Variants in CDK5RAP2 observed in about 807,000 individuals in gnomAD.
CDK5RAP2 encodes CDK5 regulatory subunit-associated protein 2.
In CDK5RAP2, 147 loss-of-function variants were observed where a neutral mutation model predicts 232.9. The observed-to-expected ratio is 0.63, with a 90% CI of 0.55 to 0.72. The LOEUF (loss-of-function observed/expected upper bound fraction) is 0.72, where lower values mean the gene tolerates loss of function less well. Ranked by LOEUF, CDK5RAP2 falls within the 30% of genes least tolerant of loss-of-function variation. The pLI is 0.00. For synonymous variants in CDK5RAP2, 833 were observed against 833.7 expected, an observed-to-expected ratio of 1.00 and a Z score of 0.01; for missense variants, 2,195 against 2,231.5, an observed-to-expected ratio of 0.98 and a Z score of 0.33.
intron 7 of CDK5RAP2, among the ~76,000 whole-genome samples, chr9:120,534,686 C>T (rs10984944): frequency 6.6e-6 from 1 of 152,084 alleles, no homozygotes; most frequent in Non-Finnish European, 1.5e-5. Flanking sequence ...CATTCTGTCC[C>T]AGGACCTCTT....
intron 12 of CDK5RAP2, among the ~76,000 whole-genome samples, chr9:120,518,208 TGTGAGAGAGAGAGAGA>T (rs2040440420): frequency 2.7e-5 from 3 of 111,396 alleles, no homozygotes; most frequent in African/African-American, 1.3e-4. Context: ...TGTGTGTGTG[TGTGAGAGAGAGAGAGA>T]GAGAGAGAGA....
chr9:120,549,218 G>A (rs2041963976), intron 4 of CDK5RAP2, among the ~76,000 whole-genome samples: 1 of 151,240 alleles, frequency 6.6e-6, no homozygotes, highest in Non-Finnish European at 1.5e-5. Context: ...GTGCAGAACA[G>A]AACATGCTTG....
At chr9:120,533,358 T>C (rs2041239534) in intron 7 of CDK5RAP2, among the ~76,000 whole-genome samples, 1 of 152,134 alleles carries the variant, frequency 6.6e-6, no homozygotes, top group Non-Finnish European at 1.5e-5. Flanking sequence ...TAGACTCTAC[T>C]CACTGAAGCT....
rs148134702 is a variant in CDK5RAP2 at position 120,453,851 on chromosome 9, G to A, written c.2398C>T (p.Arg800Trp). ...AATAGTTGTCCCAGAAGCAGTTCCC[G>A]TACCACTTTCAGAAGGTCTGGCCTG... Reference protein sequence around the residue: ...ESRPDLLKVVRELLLGQLFLT... With the variant: ...ESRPDLLKVVWELLLGQLFLT... The change falls in exon 21 of 38, where the codon CGG becomes TGG. Residue 800 changes from arginine (R) to tryptophan (W), a missense_variant. Transcript: ENST00000349780. The A allele has an allele frequency of 1.2e-4, 196 of 1,614,134 alleles. No homozygotes were observed. Among genetic ancestry groups the A allele is most frequent in the Non-Finnish European group, 1.5e-4 (175 of 1,180,012 alleles).
At chr9:120,452,121 G>A (rs2036509484) in intron 21 of CDK5RAP2, among the ~76,000 whole-genome samples, 2 of 151,712 alleles carry the variant, frequency 1.3e-5, no homozygotes, top group Admixed American at 6.6e-5. Context: ...ACAAACAAAA[G>A]ACACCTAGTT....
intron 5 of CDK5RAP2, among the ~76,000 whole-genome samples, chr9:120,540,814 C>A (rs532298705): frequency 1.3e-5 from 2 of 152,384 alleles, no homozygotes; most frequent in Admixed American, 1.3e-4. Flanking sequence ...GAGTGCTCTG[C>A]ACACTAGCCC....
At chr9:120,492,521 T>C (rs1400174216) in intron 12 of CDK5RAP2, among the ~76,000 whole-genome samples, 4 of 152,194 alleles carry the variant, frequency 2.6e-5, no homozygotes, top group African/African-American at 4.8e-5. Context: ...GTTTATACAA[T>C]TATCTTAAAA....
chr9:120,463,122 A>G (rs2037182792), intron 18 of CDK5RAP2, among the ~76,000 whole-genome samples: 2 of 152,196 alleles, frequency 1.3e-5, no homozygotes, highest in African/African-American at 2.4e-5. Context: ...CTGTAATCCC[A>G]GCACTTTGGG....
chr9:120,538,892 G>C (rs1564355672), intron 6 of CDK5RAP2, 149 bp downstream of exon 6: 1 of 868,100 alleles, frequency 1.2e-6, no homozygotes, highest in Non-Finnish European at 1.9e-6. Flanking sequence ...TAAAATGCCT[G>C]AAATGGGGCT....
In CDK5RAP2 at chr9:120,513,111, A is replaced by T. The variant is rs746261408; in HGVS notation, c.1311+5316T>A. ...AGAGTCCTCGTGGATGAAGCATTGA[A>T]TACGCACCAAGTCAAGCCCCAGAAG... On this transcript the variant is annotated intron_variant, in intron 12 of 37. Coordinates refer to ENST00000349780, the MANE Select transcript of CDK5RAP2 (RefSeq NM_018249.6). Among the ~76,000 whole-genome samples, 8 of 152,164 alleles carry T rather than the reference A, an allele frequency of 5.3e-5. 1 individual carries two copies. The highest frequency in any genetic ancestry group is 8.8e-5 in the Non-Finnish European group (6 of 68,032).
intron 12 of CDK5RAP2, among the ~76,000 whole-genome samples, chr9:120,509,638 G>A (rs762438116): frequency 3.3e-5 from 5 of 152,176 alleles, no homozygotes; most frequent in Admixed American, 6.5e-5. Context: ...TCTAGTGCCC[G>A]AGGCCAAGGC....
At chr9:120,458,047 A>G (rs1280987884) in intron 20 of CDK5RAP2, among the ~76,000 whole-genome samples, 5 of 152,224 alleles carry the variant, frequency 3.3e-5, no homozygotes, top group African/African-American at 1.2e-4. Context: ...CAACAGATAT[A>G]ATGAGAAGAG....
chr9:120,517,228 C>A (rs2040377769), intron 12 of CDK5RAP2, among the ~76,000 whole-genome samples: 1 of 152,148 alleles, frequency 6.6e-6, no homozygotes, highest in African/African-American at 2.4e-5. Flanking sequence ...TCTAGTTTTT[C>A]TAGGTTTTCT....
chr9:120,470,343 C>T (rs536780676), intron 16 of CDK5RAP2, 123 bp from the exon 17 acceptor site: 8 of 606,832 alleles, frequency 1.3e-5, no homozygotes, highest in East Asian at 8.4e-5. Context: ...GGAGGTGGGG[C>T]GGAAGGGAGC....
At chr9:120,566,568 GAAGC>G (rs1256539840) in intron 3 of CDK5RAP2, among the ~76,000 whole-genome samples, 1 of 152,208 alleles carries the variant, frequency 6.6e-6, no homozygotes, top group East Asian at 1.9e-4. Flanking sequence ...AGAAAAGGAA[GAAGC>G]AGTCATGGCA....
chr9:120,564,489 C>CAAAAAAAAAAA, intron 3 of CDK5RAP2, among the ~76,000 whole-genome samples: 1 of 38,284 alleles, frequency 2.6e-5, no homozygotes, highest in South Asian at 9.1e-4. Context: ...GACTCTGTCT[C>CAAAAAAAAAAA]AAAAAAATAA....
chr9:120,547,244 C>T (rs2041881855), intron 4 of CDK5RAP2, among the ~76,000 whole-genome samples: 1 of 151,542 alleles, frequency 6.6e-6, no homozygotes, highest in Admixed American at 6.6e-5. Flanking sequence ...CCTGCCTTGG[C>T]CTCTCAAAGT....
At chr9:120,428,433 C>G (rs1229322980) in intron 25 of CDK5RAP2, among the ~76,000 whole-genome samples, 1 of 152,072 alleles carries the variant, frequency 6.6e-6, no homozygotes, top group Non-Finnish European at 1.5e-5. Context: ...ATATCACCAC[C>G]GATCCCAAAG....
In CDK5RAP2 at chr9:120,439,569, T is replaced by C; in HGVS notation, c.3552A>G (p.Lys1184=). The C allele has an allele frequency of 6.2e-7, 1 of 1,614,194 alleles. No homozygotes were observed. Among genetic ancestry groups the C allele is most frequent in the Non-Finnish European group, 8.5e-7 (1 of 1,180,034 alleles). Residue 1184 remains lysine, a synonymous_variant, in exon 24 of 38, where the codon AAA becomes AAG. Coordinates refer to ENST00000349780, the MANE Select transcript of CDK5RAP2 (RefSeq NM_018249.6). ...TCTCTGGGGCCAGCGGACCGAGGAT[T>C]TTCACGTGTTTCACGTATCGCACTT... ...LHQVRYVKHV[K]ILGPLAPEMI...
Sources: gnomAD v4.1 joint callset for allele counts (sites outside exome capture counted in the v4.1 genomes callset) on GRCh38, gnomAD v4.1.1 for gene constraint, MANE v1.5 for transcripts, NCBI Gene and HGNC (gene_info 2026-07-23, HGNC 2026-07-21) for gene names.